The following GOLGA7 variants were observed in gnomAD, a reference collection of about 807,000 sequenced individuals.
The protein encoded by GOLGA7 is golgin subfamily A member 7.
A neutral mutation model predicts 21.1 loss-of-function variants in GOLGA7; 10 were observed. That is an observed-to-expected ratio of 0.47 (90% confidence interval 0.29 to 0.80). The LOEUF is 0.80. GOLGA7 is among the 30% of genes least tolerant of loss of function. GOLGA7 has a pLI of 0.08. For missense variants in GOLGA7, 114 were observed against 166.8 expected (o/e 0.68, Z 1.74); for synonymous variants, 64 against 62.6 (o/e 1.02, Z -0.10).
At chr8:41,506,062 TG>T (rs1806280037) in intron 3 of GOLGA7, 50 bp downstream of exon 3, 1 of 926,344 alleles carries the variant, frequency 1.1e-6, no homozygotes, top group Admixed American at 2.2e-5. Flanking sequence ...AACAAGAAAA[TG>T]TTGATATTGT....
chr8:41,505,935 A>G lies in GOLGA7; in HGVS notation c.289A>G (p.Ile97Val), dbSNP rs758495785. The G allele has an allele frequency of 1.3e-6, 2 of 1,593,574 alleles. No individual in the cohort carries two copies. The highest frequency in any genetic ancestry group is 1.7e-5 in the Admixed American group (1 of 58,740). Residue 97 changes from isoleucine to valine, a missense_variant, in exon 3 of 5, where the codon ATT becomes GTT. By Grantham distance (29) the Ile-to-Val change is conservative. Coordinates refer to ENST00000357743, the MANE Select transcript of GOLGA7 (RefSeq NM_001002296.2). ...GGTTCTGAAGAAAGTCTCCAAATAC[A>G]TTCAAGAGCAGAATGAGAAGATCTA... ...EKVLKKVSKYIQEQNEKIYAP... is the reference protein window; with the variant it reads ...EKVLKKVSKYVQEQNEKIYAP...
At chr8:41,491,605 T>C (rs1037080796) in intron 1 of GOLGA7, among the ~76,000 whole-genome samples, 3 of 151,736 alleles carry the variant, frequency 2.0e-5, no homozygotes, top group Admixed American at 2.0e-4. Context: ...AGGATATAGG[T>C]CCTTTGGGCA....
intron 1 of GOLGA7, among the ~76,000 whole-genome samples, chr8:41,493,265 A>G (rs1162167153): frequency 1.3e-5 from 2 of 152,204 alleles, no homozygotes; most frequent in Admixed American, 6.5e-5. Context: ...CTGTTTCTCT[A>G]CTACTTACCC....
intron 4 of GOLGA7, 116 bp from the exon 5 acceptor site, chr8:41,509,468 G>C (rs1175606316): frequency 6.6e-6 from 1 of 152,382 alleles, no homozygotes; most frequent in East Asian, 1.9e-4. Context: ...TAAAATTCTA[G>C]GTTAGTAGAA....
intron 1 of GOLGA7, among the ~76,000 whole-genome samples, chr8:41,493,901 A>G (rs1205704003): frequency 6.6e-6 from 1 of 152,226 alleles, no homozygotes; most frequent in Non-Finnish European, 1.5e-5. Flanking sequence ...ACTGTTATTC[A>G]TAGCCTAAAG....
At chr8:41,490,567 G>GT (rs1805852480), upstream of GOLGA7, 1 of 424,604 alleles carries the variant, frequency 2.4e-6, no homozygotes, top group African/African-American at 2.1e-5. Flanking sequence ...GCGGCAGGAC[G>GT]TAAGTGACGG....
chr8:41,496,940 T>TGG (rs1806032220), intron 1 of GOLGA7, among the ~76,000 whole-genome samples: 1 of 150,980 alleles, frequency 6.6e-6, no homozygotes, highest in Admixed American at 6.6e-5. Flanking sequence ...CCCCAGTAGC[T>TGG]GGGGCTATAG....
intron 2 of GOLGA7, among the ~76,000 whole-genome samples, chr8:41,499,598 C>T (rs1343738339): frequency 2.0e-5 from 3 of 152,180 alleles, no homozygotes; most frequent in Admixed American, 6.5e-5. Context: ...TGATGGCCTA[C>T]CGGTGTGCCA....
chr8:41,507,016 G>A, intron 3 of GOLGA7, 43 bp from the exon 4 acceptor site: 1 of 932,572 alleles, frequency 1.1e-6, no homozygotes, highest in Non-Finnish European at 1.8e-6. Context: ...CCCTTTGTGT[G>A]TTGTGTCCTG....
intron 4 of GOLGA7, among the ~76,000 whole-genome samples, chr8:41,508,357 A>G (rs1341419293): frequency 6.6e-6 from 1 of 152,244 alleles, no homozygotes; most frequent in Admixed American, 6.5e-5. Context: ...GCACTAGTGA[A>G]TGTGTCACCT....
intron 2 of GOLGA7, among the ~76,000 whole-genome samples, chr8:41,504,128 A>T (rs1170199980): frequency 4.3e-5 from 5 of 116,258 alleles, no homozygotes; most frequent in African/African-American, 3.7e-5. Context: ...AATAAAAAAA[A>T]AAAAAAAACA....
At chr8:41,507,962 T>G (rs1485284915) in intron 4 of GOLGA7, among the ~76,000 whole-genome samples, 1 of 152,160 alleles carries the variant, frequency 6.6e-6, no homozygotes, top group African/African-American at 2.4e-5. Flanking sequence ...AGCTACCATT[T>G]TGAGGGCACG....
chr8:41,504,131 A>AAC (rs1806221663), intron 2 of GOLGA7, among the ~76,000 whole-genome samples: 1 of 131,866 alleles, frequency 7.6e-6, no homozygotes, highest in Non-Finnish European at 1.7e-5. Flanking sequence ...AAAAAAAAAA[A>AAC]AAAAACAAAA....
chr8:41,493,243 A>G (rs1805927979), intron 1 of GOLGA7, among the ~76,000 whole-genome samples: 2 of 152,216 alleles, frequency 1.3e-5, no homozygotes, highest in Admixed American at 1.3e-4. Flanking sequence ...TTGATGAAAA[A>G]TTGAAAGGTT....
At chr8:41,508,408 C>T (rs910419450) in intron 4 of GOLGA7, among the ~76,000 whole-genome samples, 1 of 152,172 alleles carries the variant, frequency 6.6e-6, no homozygotes, top group Non-Finnish European at 1.5e-5. Flanking sequence ...GATATCTATC[C>T]TCTGCCATAT....
At chr8:41,492,777 ATTCT>A (rs781300532) in intron 1 of GOLGA7, among the ~76,000 whole-genome samples, 1 of 152,256 alleles carries the variant, frequency 6.6e-6, no homozygotes, top group Non-Finnish European at 1.5e-5. Context: ...AATATAAAGT[ATTCT>A]TTTTTTACCA....
chr8:41,491,729 G>C lies in GOLGA7; in HGVS notation c.111+764G>C, dbSNP rs543035965. Among the ~76,000 whole-genome samples, 8 of 151,918 alleles carry C rather than the reference G, an allele frequency of 5.3e-5. No individual in the cohort carries two copies. The South Asian group carries it at 1.7e-3, about 32-fold the overall frequency. On this transcript the variant is annotated intron_variant, in intron 1 of 4. Transcript: ENST00000357743. Reference sequence around the variant, plus strand: ...GTTGTAGAGGTAATGGAGTGTGTGCGTGCCTGCCTGTGTTTTTGTGTGCCC... The same window carrying C: ...GTTGTAGAGGTAATGGAGTGTGTGCCTGCCTGCCTGTGTTTTTGTGTGCCC...
intron 2 of GOLGA7, among the ~76,000 whole-genome samples, chr8:41,503,786 A>C (rs1360804266): frequency 1.4e-5 from 2 of 140,614 alleles, no homozygotes; most frequent in African/African-American, 5.4e-5. Flanking sequence ...CTGTTTTGGT[A>C]CCAGTACCAT....
At chr8:41,497,472 T>C (rs757395910) in intron 1 of GOLGA7, 37 bp from the exon 2 acceptor site, 37 of 1,206,738 alleles carry the variant, frequency 3.1e-5, no homozygotes, top group East Asian at 1.7e-4. Context: ...ATTTTTTTTT[T>C]CCAAAACTTA....
Sources: gnomAD v4.1 joint callset for allele counts (sites outside exome capture counted in the v4.1 genomes callset) on GRCh38, gnomAD v4.1.1 for gene constraint, MANE v1.5 for transcripts, NCBI Gene and HGNC (gene_info 2026-07-23, HGNC 2026-07-21) for gene names.